CDH4: variants seen among roughly 807,000 people sequenced by gnomAD.
The protein encoded by CDH4 is cadherin-4.
A neutral mutation model predicts 86.0 loss-of-function variants in CDH4; 33 were observed. The ratio of observed to expected loss-of-function variants is 0.38; its 90% CI spans 0.29 to 0.51. The LOEUF is 0.51. Ranked by LOEUF, CDH4 falls within the 20% of genes least tolerant of loss-of-function variation. The pLI, the probability that CDH4 is intolerant of heterozygous loss-of-function variation, is 0.86. For synonymous variants in CDH4, 555 were observed against 549.4 expected, an observed-to-expected ratio of 1.01 and a Z score of -0.14; for missense variants, 1,114 against 1,307.4, an observed-to-expected ratio of 0.85 and a Z score of 2.28.
At chr20:61,515,724 G>A (rs2085813888) in intron 2 of CDH4, among the ~76,000 whole-genome samples, 1 of 152,194 alleles carries the variant, frequency 6.6e-6, no homozygotes, top group Admixed American at 6.5e-5. Flanking sequence ...CTCTCTTTTA[G>A]CTACGACTGG....
chr20:61,883,059 C>G (rs1239211647), intron 7 of CDH4, among the ~76,000 whole-genome samples: 1 of 152,096 alleles, frequency 6.6e-6, no homozygotes, highest in Non-Finnish European at 1.5e-5. Flanking sequence ...CCTGTCTCAC[C>G]CAGAAATGAG....
chr20:61,906,625 A>T (rs2054791906), intron 8 of CDH4, among the ~76,000 whole-genome samples: 1 of 152,156 alleles, frequency 6.6e-6, no homozygotes, highest in Non-Finnish European at 1.5e-5. Context: ...GCCCTGAGCC[A>T]GGTGTCAGAG....
Position 61,261,113 on chromosome 20 carries a change from C to T in CDH4, c.169+6176C>T, listed in dbSNP as rs964074739. On this transcript the variant is annotated intron_variant, in intron 2 of 15. Transcript: ENST00000614565. ...CGCAAGAGGGAGCTGTGGTCAGTGG[C>T]CCTGCTGCTACCCAGGAGGAATCTA... Among the ~76,000 whole-genome samples, 6 of 152,276 alleles carry T rather than the reference C, an allele frequency of 3.9e-5. 1 individual carries two copies. Among genetic ancestry groups the T allele is most frequent in the Non-Finnish European group, 1.5e-5 (1 of 68,028 alleles).
At chr20:61,690,119 G>A (rs1302385773) in intron 2 of CDH4, among the ~76,000 whole-genome samples, 5 of 148,394 alleles carry the variant, frequency 3.4e-5, no homozygotes, top group Non-Finnish European at 5.9e-5. Flanking sequence ...GAGGTGATGT[G>A]GATTCGGGTG....
At chr20:61,316,345 G>A (rs1279393162) in intron 2 of CDH4, among the ~76,000 whole-genome samples, 1 of 152,264 alleles carries the variant, frequency 6.6e-6, no homozygotes, top group Non-Finnish European at 1.5e-5. Context: ...CGCAGATAGA[G>A]ACCGCCGCGC....
intron 2 of CDH4, among the ~76,000 whole-genome samples, chr20:61,566,874 G>A (rs1441836523): frequency 6.6e-6 from 1 of 152,072 alleles, no homozygotes; most frequent in Non-Finnish European, 1.5e-5. Flanking sequence ...GGCTGCCGAT[G>A]GCACGCGGCT....
chr20:61,892,250 G>A (rs1418956612), intron 7 of CDH4, among the ~76,000 whole-genome samples: 1 of 152,218 alleles, frequency 6.6e-6, no homozygotes, highest in African/African-American at 2.4e-5. Flanking sequence ...ACCTTATGGA[G>A]CACCCAGGCC....
intron 2 of CDH4, among the ~76,000 whole-genome samples, chr20:61,588,948 C>G (rs187621348): frequency 6.6e-6 from 1 of 152,144 alleles, no homozygotes; most frequent in South Asian, 2.1e-4. Flanking sequence ...GCATTCTGTT[C>G]GTAAAAACAC....
At chr20:61,519,414 G>T (rs2085851343) in intron 2 of CDH4, among the ~76,000 whole-genome samples, 1 of 152,228 alleles carries the variant, frequency 6.6e-6, no homozygotes. Context: ...GCACATGCAG[G>T]TGCCGGCGGG....
At chr20:61,374,100 C>G (rs1243796160) in intron 2 of CDH4, among the ~76,000 whole-genome samples, 1 of 152,168 alleles carries the variant, frequency 6.6e-6, no homozygotes, top group African/African-American at 2.4e-5. Flanking sequence ...AAACATCTAT[C>G]AAGCACTGTC....
intron 2 of CDH4, among the ~76,000 whole-genome samples, chr20:61,361,973 C>T (rs1422829036): frequency 6.6e-6 from 1 of 152,226 alleles, no homozygotes; most frequent in African/African-American, 2.4e-5. Context: ...ATCCCGGAGC[C>T]CACACTCTCC....
chr20:61,564,485 G>A (rs974698310), intron 2 of CDH4, among the ~76,000 whole-genome samples: 7 of 152,056 alleles, frequency 4.6e-5, no homozygotes, highest in Non-Finnish European at 7.4e-5. Flanking sequence ...AGAGCTGGTC[G>A]TTTAAAAGAC....
chr20:61,933,969 GC>G, intron 14 of CDH4, 86 bp from the exon 15 acceptor site: 1 of 1,478,456 alleles, frequency 6.8e-7, no homozygotes. Flanking sequence ...TGCATCTGTG[GC>G]CCAGGTGACA....
intron 2 of CDH4, among the ~76,000 whole-genome samples, chr20:61,520,999 G>A (rs897270387): frequency 1.3e-5 from 2 of 152,190 alleles, no homozygotes; most frequent in Non-Finnish European, 2.9e-5. Context: ...GGGAACACAG[G>A]AGGGTCTCCC....
At chr20:61,435,965 C>A (rs769487693) in intron 2 of CDH4, among the ~76,000 whole-genome samples, 2 of 152,046 alleles carry the variant, frequency 1.3e-5, no homozygotes, top group Non-Finnish European at 2.9e-5. Context: ...CCCACCTCCC[C>A]TCGCCTTCTC....
chr20:61,492,433 ATGT>A (rs1215349591), intron 2 of CDH4, among the ~76,000 whole-genome samples: 1 of 151,516 alleles, frequency 6.6e-6, no homozygotes, highest in African/African-American at 2.4e-5. Flanking sequence ...GCTGATGCTG[ATGT>A]TGGTGGTGTC....
At chr20:61,477,012 G>A (rs2085540572) in intron 2 of CDH4, among the ~76,000 whole-genome samples, 5 of 152,320 alleles carry the variant, frequency 3.3e-5, no homozygotes, top group Middle Eastern at 3.4e-3. Flanking sequence ...AGGCAGACAG[G>A]GGCTTCTGTC....
At chr20:61,875,254 A>G (rs1396946936) in intron 7 of CDH4, among the ~76,000 whole-genome samples, 1 of 152,168 alleles carries the variant, frequency 6.6e-6, no homozygotes, top group Non-Finnish European at 1.5e-5. Flanking sequence ...CCCTGGGAAG[A>G]GCACAAAGGG....
intron 3 of CDH4, among the ~76,000 whole-genome samples, chr20:61,755,507 CAT>C (rs894084125): frequency 2.0e-5 from 3 of 149,304 alleles, no homozygotes; most frequent in African/African-American, 7.4e-5. Flanking sequence ...CACACACACA[CAT>C]GCCCCATACA....
Sources: gnomAD v4.1 joint callset for allele counts (sites outside exome capture counted in the v4.1 genomes callset) on GRCh38, gnomAD v4.1.1 for gene constraint, MANE v1.5 for transcripts, NCBI Gene and HGNC (gene_info 2026-07-23, HGNC 2026-07-21) for gene names.